The following ALPL variants were observed in gnomAD, a reference collection of about 807,000 sequenced individuals.
ALPL encodes the protein alkaline phosphatase, tissue-nonspecific isozyme.
Under a neutral mutation model 51.3 loss-of-function variants are expected in ALPL, and 42 were observed. That is an observed-to-expected ratio of 0.82 (90% CI 0.64 to 1.06). The LOEUF is 1.06. Among genes scored for constraint, ALPL ranks in the 50% least tolerant of loss-of-function variants. The pLI, the probability that ALPL is intolerant of heterozygous loss-of-function variation, is 0.00. For missense variants in ALPL, 589 were observed against 709.4 expected (o/e 0.83, Z 1.93); for synonymous variants, 279 against 296.4 (o/e 0.94, Z 0.60).
chr1:21,512,279 T>C (rs996905435), intron 1 of ALPL, among the ~76,000 whole-genome samples: 1 of 152,192 alleles, frequency 6.6e-6, no homozygotes, highest in Non-Finnish European at 1.5e-5. Flanking sequence ...GACTGAAGGT[T>C]CATTCCCAGC....
intron 8 of ALPL, among the ~76,000 whole-genome samples, chr1:21,571,697 G>A (rs10917013): frequency 0.19 from 27,924 of 149,364 alleles, 3,144 homozygotes; most frequent in East Asian, 0.46. Flanking sequence ...GAACAAACAC[G>A]AAAAAACTTA....
intron 1 of ALPL, among the ~76,000 whole-genome samples, chr1:21,511,634 C>G (rs1366679632): frequency 6.6e-6 from 1 of 152,218 alleles, no homozygotes; most frequent in Non-Finnish European, 1.5e-5. Flanking sequence ...TGCTCACACT[C>G]AGATGCCACC....
At chr1:21,537,737 G>A (rs1175404585) in intron 1 of ALPL, among the ~76,000 whole-genome samples, 2 of 152,194 alleles carry the variant, frequency 1.3e-5, no homozygotes, top group Non-Finnish European at 1.5e-5. Context: ...GGAGCTGGAC[G>A]GACCTGGCCT....
At chr1:21,527,502 T>C (rs984913835) in intron 1 of ALPL, among the ~76,000 whole-genome samples, 11 of 152,124 alleles carry the variant, frequency 7.2e-5, no homozygotes, top group African/African-American at 2.4e-4. Context: ...GGCTGTCTTT[T>C]TGTACAAACC....
intron 9 of ALPL, among the ~76,000 whole-genome samples, chr1:21,575,249 C>A (rs2148188212): frequency 6.6e-6 from 1 of 152,290 alleles, no homozygotes; most frequent in Non-Finnish European, 1.5e-5. Context: ...CCGTGGGCTT[C>A]CCCACACTAG....
chr1:21,524,989 C>G (rs1460049915), intron 1 of ALPL, among the ~76,000 whole-genome samples: 3 of 152,230 alleles, frequency 2.0e-5, no homozygotes, highest in East Asian at 3.9e-4. Flanking sequence ...AGGCCTCACT[C>G]CAGGGCTCTG....
At chr1:21,560,598 C>T in intron 2 of ALPL, 28 bp from the exon 3 acceptor site, 1 of 1,613,406 alleles carries the variant, frequency 6.2e-7, no homozygotes, top group Admixed American at 1.7e-5. Flanking sequence ...CCTTACCCCG[C>T]CAAGTAACTG....
chr1:21,548,947 C>T (rs369212997), intron 1 of ALPL, among the ~76,000 whole-genome samples: 1 of 152,184 alleles, frequency 6.6e-6, no homozygotes, highest in South Asian at 2.1e-4. Flanking sequence ...GACCCCACCA[C>T]GCTGCTGTTT....
chr1:21,558,291 C>T (rs1192945830), intron 2 of ALPL, among the ~76,000 whole-genome samples: 1 of 152,170 alleles, frequency 6.6e-6, no homozygotes, highest in Admixed American at 6.5e-5. Flanking sequence ...TCAGCCCAGC[C>T]CTGGGACCTC....
Position 21,564,397 on chromosome 1 carries a change from C to T in ALPL, c.648+181C>T, listed in dbSNP as rs967860138. Reference sequence around the variant, plus strand: ...AGGCAGGCACTGTGGGATTTCTCTGCGGTGGGGCTGCGGGGTGAACCCTCA... The same window carrying T: ...AGGCAGGCACTGTGGGATTTCTCTGTGGTGGGGCTGCGGGGTGAACCCTCA... On this transcript the variant is annotated intron_variant, in intron 6 of 11. Transcript: ENST00000374840. The surrounding 1 kb of genome is among the most constrained non-coding windows in gnomAD (Gnocchi z 5.8). Among the ~76,000 whole-genome samples the T allele has an allele frequency of 3.3e-5, 5 of 152,220 alleles. No individual in the cohort carries two copies. The highest frequency in any genetic ancestry group is 1.9e-4 in the East Asian group (1 of 5,160).
chr1:21,560,360 C>T (rs1644466255), intron 2 of ALPL, among the ~76,000 whole-genome samples: 1 of 152,206 alleles, frequency 6.6e-6, no homozygotes, highest in Non-Finnish European at 1.5e-5. Context: ...TGCTGTGTGG[C>T]CTTAGGCAAG....
chr1:21,524,713 G>A (rs1429861896), intron 1 of ALPL, among the ~76,000 whole-genome samples: 5 of 152,182 alleles, frequency 3.3e-5, no homozygotes, highest in Non-Finnish European at 7.3e-5. Flanking sequence ...AGCCAGATCT[G>A]GGGAGGGGGA....
chr1:21,512,733 C>A (rs765324572), intron 1 of ALPL, among the ~76,000 whole-genome samples: 9 of 152,078 alleles, frequency 5.9e-5, no homozygotes, highest in Admixed American at 1.3e-4. Flanking sequence ...AGCTCCCAAC[C>A]CCCCCGCCAA....
chr1:21,543,557 A>G (rs2148115931), intron 1 of ALPL, among the ~76,000 whole-genome samples: 1 of 152,238 alleles, frequency 6.6e-6, no homozygotes, highest in South Asian at 2.1e-4. Flanking sequence ...ATTGCACTAC[A>G]GCCTTGGCGA....
At chr1:21,560,567 C>T (rs962952767) in intron 2 of ALPL, 59 bp from the exon 3 acceptor site, 18 of 1,603,526 alleles carry the variant, frequency 1.1e-5, no homozygotes, top group Admixed American at 6.7e-5. Flanking sequence ...GGGATCTGTA[C>T]GTCTGGAGAT....
chr1:21,543,587 GA>G (rs1558537960), intron 1 of ALPL, among the ~76,000 whole-genome samples: 1 of 151,640 alleles, frequency 6.6e-6, no homozygotes, highest in African/African-American at 2.4e-5. Flanking sequence ...AACTCCATCT[GA>G]AAAAAAACAA....
chr1:21,514,835 C>G (rs1429615486), intron 1 of ALPL, among the ~76,000 whole-genome samples: 1 of 152,146 alleles, frequency 6.6e-6, no homozygotes, highest in Non-Finnish European at 1.5e-5. Context: ...ACCTTTGATA[C>G]TCACCTACCC....
intron 10 of ALPL, 55 bp downstream of exon 10, chr1:21,575,979 G>A: frequency 6.2e-7 from 1 of 1,602,064 alleles, no homozygotes; most frequent in Non-Finnish European, 8.6e-7. Flanking sequence ...CTACCCACCT[G>A]GGAGCAGGAG....
intron 1 of ALPL, among the ~76,000 whole-genome samples, chr1:21,536,587 TC>T (rs2148101982): frequency 6.6e-6 from 1 of 152,252 alleles, no homozygotes; most frequent in African/African-American, 2.4e-5. Flanking sequence ...TGCTTCCTCT[TC>T]AGGCTATACA....
Sources: allele counts gnomAD v4.1 joint callset (sites outside exome capture counted in the v4.1 genomes callset), GRCh38; gene constraint gnomAD v4.1.1; non-coding constraint Gnocchi (gnomAD v3.1); transcripts MANE v1.5; gene names NCBI Gene and HGNC (gene_info 2026-07-23, HGNC 2026-07-21).